The following FAM135A variants were observed in gnomAD, a reference collection of about 807,000 sequenced individuals.
The protein encoded by FAM135A is family with sequence similarity 135 member A, also known as protein FAM135A.
A neutral mutation model predicts 146.8 loss-of-function variants in FAM135A; 79 were observed. The observed-to-expected ratio is 0.54, with a 90% CI of 0.45 to 0.65. The LOEUF is 0.65. Ranked by LOEUF, FAM135A falls within the 30% of genes least tolerant of loss-of-function variation. The probability of loss-of-function intolerance (pLI) is 0.00; values close to 1 mark genes in which losing one functional copy is unlikely to be tolerated. For missense variants in FAM135A, 1,623 were observed against 1,758.2 expected (o/e 0.92, Z 1.38); for synonymous variants, 562 against 603.6 (o/e 0.93, Z 1.01).
chr6:70,444,406 A>T (rs985236134), intron 4 of FAM135A, among the ~76,000 whole-genome samples: 9 of 150,482 alleles, frequency 6.0e-5, no homozygotes, highest in Non-Finnish European at 8.8e-5. Context: ...GTGTCTCAAA[A>T]AAATAAATAA....
chr6:70,459,877 A>G (rs931471158), intron 5 of FAM135A, among the ~76,000 whole-genome samples: 2 of 152,130 alleles, frequency 1.3e-5, no homozygotes, highest in Non-Finnish European at 2.9e-5. Flanking sequence ...CAAATGCAAA[A>G]AAAATTAGCC....
intron 20 of FAM135A, among the ~76,000 whole-genome samples, chr6:70,554,440 T>C (rs1800442401): frequency 6.6e-6 from 1 of 152,116 alleles, no homozygotes; most frequent in Non-Finnish European, 1.5e-5. Flanking sequence ...GAAAGAGCAA[T>C]TTACATGGAG....
chr6:70,525,163 A>G lies in FAM135A; in HGVS notation c.2079A>G (p.Leu693=). The change falls in exon 15 of 22, where the codon CTA becomes CTG. Residue 693 remains leucine, a synonymous_variant. Coordinates refer to ENST00000418814, the MANE Select transcript of FAM135A (RefSeq NM_001162529.3). ...RQEEILVDNL[L]PNFESLESNG... is the part of the protein sequence containing the mutation. ...AGGAAATACTTGTGGATAATTTACT[A>G]CCCAACTTTGAGTCCTTAGAATCTA... is the stretch of plus-strand genomic sequence containing the variant. 3.2e-6 allele frequency: 5 copies of G among 1,584,616 alleles called. No individual in the cohort carries two copies. Among genetic ancestry groups the G allele is most frequent in the African/African-American group, 1.4e-5 (1 of 73,452 alleles).
At chr6:70,426,073 G>A (rs992642210) in intron 2 of FAM135A, among the ~76,000 whole-genome samples, 1 of 150,514 alleles carries the variant, frequency 6.6e-6, no homozygotes, top group African/African-American at 2.5e-5. Context: ...ACTGCAGTCC[G>A]CAGTCTGGCC....
rs143426254 is a variant in FAM135A at position 70,417,476 on chromosome 6, G to T, written c.-134+2100G>T. On this transcript the variant is annotated intron_variant, in intron 2 of 21. Transcript: ENST00000418814. ...GATTCTCCCGCCTCAGCCACCCAAA[G>T]TGCTGGGATTACAGGCATGAACTAC... The T allele has an allele frequency of 1.1e-4, 46 of 418,226 alleles. 1 individual carries two copies. The East Asian group carries it at 4.9e-3, about 45-fold the overall frequency. The allele number at this position is 418,226 out of a possible 1,614,324, so 25.9% of individuals were successfully genotyped here.
rs754818109 is a variant in FAM135A, at chr6:70,464,658, C to CTTTT, written c.158-10747_158-10744dup. ...TTTAAATTTCTTTCTTTCTTTCTTTCTTTTTTTTCTTTTTTTTTTTTTTTT... is the reference window on the plus strand; with the variant it reads ...TTTAAATTTCTTTCTTTCTTTCTTTCTTTTTTTTTTTTCTTTTTTTTTTTTTTTT... On this transcript the variant is annotated intron_variant, in intron 5 of 21. Coordinates refer to ENST00000418814, the MANE Select transcript of FAM135A (RefSeq NM_001162529.3). Among the ~76,000 whole-genome samples the CTTTT allele has an allele frequency of 3.0e-3, 299 of 100,304 alleles. 10 individuals carry two copies. Among genetic ancestry groups the CTTTT allele is most frequent in the African/African-American group, 8.2e-3 (219 of 26,632 alleles). 65.8% of individuals were successfully genotyped at this position (100,304 alleles called of 152,430 possible). A position where few individuals can be genotyped will look rare whatever the true frequency, so the allele number is the denominator to read the frequency against.
chr6:70,421,211 T>G (rs1768764927), intron 2 of FAM135A, among the ~76,000 whole-genome samples: 1 of 152,166 alleles, frequency 6.6e-6, no homozygotes, highest in Non-Finnish European at 1.5e-5. Flanking sequence ...GTGTTCTACA[T>G]TTTTAACTAT....
At chr6:70,439,283 T>TG (rs1773919355) in intron 4 of FAM135A, among the ~76,000 whole-genome samples, 1 of 152,196 alleles carries the variant, frequency 6.6e-6, no homozygotes, top group Non-Finnish European at 1.5e-5. Flanking sequence ...CCACTGGTGG[T>TG]CTTGGAGTTT....
chr6:70,542,277 C>CACACACACA (rs35407465), intron 20 of FAM135A, among the ~76,000 whole-genome samples: 4 of 146,858 alleles, frequency 2.7e-5, no homozygotes, highest in Non-Finnish European at 4.4e-5. Flanking sequence ...CACACACACA[C>CACACACACA]CCTTTGCTGT....
At chr6:70,500,102 C>G (rs1262125355) in intron 11 of FAM135A, among the ~76,000 whole-genome samples, 5 of 152,216 alleles carry the variant, frequency 3.3e-5, no homozygotes, top group Non-Finnish European at 7.4e-5. Flanking sequence ...CTCCCTGTCA[C>G]TTTTGGGTAC....
In FAM135A at chr6:70,426,532, G is replaced by A. The variant is rs1203841570; in HGVS notation, c.-40G>A. 6.6e-6 allele frequency: 1 copy of A among 152,138 alleles called. No homozygotes were observed. The highest frequency in any genetic ancestry group is 1.9e-4 in the East Asian group (1 of 5,196). 9.4% of individuals were successfully genotyped at this position (152,138 alleles called of 1,614,324 possible). A position where few individuals can be genotyped will look rare whatever the true frequency, so the allele number is the denominator to read the frequency against. On this transcript the variant is annotated splice_region_variant and 5_prime_UTR_variant, in exon 3 of 22. Transcript: ENST00000418814. ...TAAAAATGAGGCTTTGAAAAGCAGA[G>A]GTAAGAATATAACTTTTTTGCACTT...
rs540407240 is a variant in FAM135A, at chr6:70,489,526, G to A, written c.824-1508G>A. Among the ~76,000 whole-genome samples, 4 of 152,270 alleles carry A rather than the reference G, an allele frequency of 2.6e-5. No homozygotes were observed. In the South Asian group the frequency reaches 8.3e-4, roughly 32 times the overall value. On this transcript the variant is annotated intron_variant, in intron 10 of 21. Transcript: ENST00000418814. The stretch of plus-strand genomic sequence containing the variant: ...TGATTCTTGTTGAAGGAAGAATTCA[G>A]CCAAGAGACACGCAGCAAGGGTTAA...
intron 19 of FAM135A, among the ~76,000 whole-genome samples, 163 bp from the exon 20 acceptor site, chr6:70,538,128 C>T (rs1367697221): frequency 9.2e-5 from 14 of 152,086 alleles, no homozygotes; most frequent in South Asian, 2.1e-4. Context: ...TAAATGTTAT[C>T]GGAACATGGA....
Position 70,540,071 on chromosome 6 carries a change from G to A in FAM135A, c.4228+1670G>A, listed in dbSNP as rs552379117. On this transcript the variant is annotated intron_variant, in intron 20 of 21. Coordinates refer to ENST00000418814, the MANE Select transcript of FAM135A (RefSeq NM_001162529.3). ...AAAGATTCTCCTCTTGGGTCTTAAC[G>A]TACTTAGATCTGGAATCATTTTTGG... is the stretch of plus-strand genomic sequence containing the variant. Among the ~76,000 whole-genome samples, 5 of 152,204 alleles carry A rather than the reference G, an allele frequency of 3.3e-5. No homozygotes were observed. In the East Asian group the frequency reaches 7.7e-4, roughly 24 times the overall value.
intron 12 of FAM135A, among the ~76,000 whole-genome samples, chr6:70,511,812 TA>T (rs1791050011): frequency 6.6e-6 from 1 of 151,858 alleles, no homozygotes; most frequent in Non-Finnish European, 1.5e-5. Flanking sequence ...AACTAGATAA[TA>T]CAGCCTGTTA....
intron 20 of FAM135A, among the ~76,000 whole-genome samples, chr6:70,539,912 C>T (rs893915268): frequency 3.9e-5 from 6 of 152,126 alleles, no homozygotes; most frequent in African/African-American, 1.4e-4. Context: ...AGGAGAATGG[C>T]GTGAACCTGG....
chr6:70,511,424 C>T (rs1395322055), intron 12 of FAM135A, among the ~76,000 whole-genome samples: 1 of 151,868 alleles, frequency 6.6e-6, no homozygotes, highest in Non-Finnish European at 1.5e-5. Context: ...ATATCTGCTA[C>T]TAATACAGTT....
intron 5 of FAM135A, among the ~76,000 whole-genome samples, chr6:70,472,891 C>T (rs773196786): frequency 6.6e-6 from 1 of 152,116 alleles, no homozygotes; most frequent in African/African-American, 2.4e-5. Flanking sequence ...TTAGGTGATA[C>T]GTGGTTTCTA....
intron 2 of FAM135A, among the ~76,000 whole-genome samples, chr6:70,425,190 C>A (rs963505359): frequency 6.6e-6 from 1 of 151,674 alleles, no homozygotes; most frequent in Non-Finnish European, 1.5e-5. Flanking sequence ...AAGAACTTAG[C>A]TATACCTCAT....
Sources: allele counts gnomAD v4.1 joint callset (sites outside exome capture counted in the v4.1 genomes callset), GRCh38; gene constraint gnomAD v4.1.1; transcripts MANE v1.5; gene names NCBI Gene and HGNC (gene_info 2026-07-23, HGNC 2026-07-21).